Variants in CFAP20 observed in about 807,000 individuals in gnomAD.
The protein encoded by CFAP20 is cilia- and flagella-associated protein 20.
Under a neutral mutation model 25.5 loss-of-function variants are expected in CFAP20, and 14 were observed. That is an observed-to-expected ratio of 0.55 (90% CI 0.36 to 0.86). The LOEUF (loss-of-function observed/expected upper bound fraction) is 0.86. CFAP20 is among the 40% of genes least tolerant of loss of function. CFAP20 has a pLI of 0.01. For synonymous variants in CFAP20, 75 were observed against 91.1 expected, an observed-to-expected ratio of 0.82 and a Z score of 1.01; for missense variants, 181 against 248.0, an observed-to-expected ratio of 0.73 and a Z score of 1.81.
At chr16:58,121,803 G>GA (rs558142525) in intron 1 of CFAP20, among the ~76,000 whole-genome samples, 46 of 149,296 alleles carry the variant, frequency 3.1e-4, no homozygotes, top group South Asian at 1.9e-3. Context: ...CAAGCTGAGG[G>GA]AAAAAAAAAA....
At chr16:58,127,312 C>T (rs563735906) in intron 1 of CFAP20, among the ~76,000 whole-genome samples, 4 of 152,222 alleles carry the variant, frequency 2.6e-5, no homozygotes, top group African/African-American at 9.7e-5. Flanking sequence ...TGAGGCCTCC[C>T]TACTACTGGA....
intron 1 of CFAP20, 111 bp downstream of exon 1, chr16:58,128,919 CCT>C: frequency 8.9e-7 from 1 of 1,124,098 alleles, no homozygotes; most frequent in Non-Finnish European, 1.2e-6. Context: ...ACAGCAGCGT[CCT>C]CTCGGCCTCT....
At chr16:58,115,776 T>G in intron 3 of CFAP20, 1 of 515,496 alleles carries the variant, frequency 1.9e-6, no homozygotes, top group Non-Finnish European at 3.5e-6. Flanking sequence ...CACTATTAAA[T>G]AATCACTCCC....
At chr16:58,120,780 G>C (rs1460993294) in intron 1 of CFAP20, among the ~76,000 whole-genome samples, 2 of 152,138 alleles carry the variant, frequency 1.3e-5, no homozygotes, top group African/African-American at 4.8e-5. Flanking sequence ...GAACTTGGAG[G>C]GGTCAAGGCA....
At position 58,116,156 on chromosome 16, in the gene CFAP20, T is replaced by A; in HGVS notation, c.165-4A>T. ...AGGGCATGTGATATATGTGGTGCTG[T>A]AGAGAGAGGAAATACTAATAAACAC... On this transcript the variant is annotated splice_polypyrimidine_tract_variant and splice_region_variant and intron_variant, in intron 2 of 5. Transcript: ENST00000262498. 1 of 1,592,674 alleles carries A rather than the reference T, an allele frequency of 6.3e-7. No individual in the cohort carries two copies. Among genetic ancestry groups the A allele is most frequent in the African/African-American group, 1.3e-5 (1 of 74,476 alleles).
rs1296562943 is a variant in CFAP20 at position 58,116,950 on chromosome 16, A to G, written c.86T>C (p.Val29Ala). The change falls in exon 2 of 6, where the codon GTA (valine) becomes GCA (alanine). Residue 29 changes from valine (V) to alanine (A), a missense_variant and splice_region_variant. By Grantham distance (64) the Val-to-Ala change is moderately conservative (BLOSUM62 0). Transcript: ENST00000262498. The part of the protein sequence containing the change: ...SKPLQIWDKK[V>A]RNGHIKRITD... The stretch of plus-strand genomic sequence containing the variant: ...GATTCTTTTGATGTGGCCATTCCGT[A>G]CCTACAAGAAAGAAAATTCGATTAG... 1 of 1,613,972 alleles carries G rather than the reference A, an allele frequency of 6.2e-7. No individual in the cohort carries two copies. The highest frequency in any genetic ancestry group is 1.6e-4 in the Middle Eastern group (1 of 6,062).
intron 2 of CFAP20, among the ~76,000 whole-genome samples, chr16:58,116,378 G>A (rs1299923496): frequency 6.6e-6 from 1 of 152,138 alleles, no homozygotes; most frequent in South Asian, 2.1e-4. Context: ...TAAAATATCT[G>A]AAAAACAAAG....
At chr16:58,126,128 C>G (rs2142370535) in intron 1 of CFAP20, among the ~76,000 whole-genome samples, 1 of 152,296 alleles carries the variant, frequency 6.6e-6, no homozygotes, top group Admixed American at 6.5e-5. Flanking sequence ...GGATGCAAAT[C>G]CAAGGTGTCT....
intron 1 of CFAP20, among the ~76,000 whole-genome samples, chr16:58,118,011 A>C (rs1477265562): frequency 6.6e-6 from 1 of 152,168 alleles, no homozygotes; most frequent in African/African-American, 2.4e-5. Flanking sequence ...TTAGCACCTC[A>C]TCCTACATTG....
In CFAP20 at chr16:58,129,015, G is replaced by A. The variant is rs371814796; in HGVS notation, c.84+17C>T. 3 of 1,599,580 alleles carry A rather than the reference G, an allele frequency of 1.9e-6. No homozygotes were observed. Among genetic ancestry groups the A allele is most frequent in the Admixed American group, 1.7e-5 (1 of 59,516 alleles). On this transcript the variant is annotated intron_variant, in intron 1 of 5. Transcript: ENST00000262498. ...TGCAGCCCCTCCACCCCGCCCCGTC[G>A]CCGCCCCTAGCCCGACCTTTTTGTC...
chr16:58,115,438 A>G lies in CFAP20; in HGVS notation c.296T>C (p.Val99Ala). The change falls in exon 4 of 6, where the codon GTG becomes GCG. Residue 99 changes from valine (V) to alanine (A), a missense_variant. Physicochemically the swap from Val to Ala is moderately conservative, Grantham distance 64. Transcript: ENST00000262498. ...GTTACTTGCCCGAAAGCGACGACGC[A>G]CATTCTTGTCATCTAGTACCTGTGA... Reference protein sequence around the residue: ...FEVQVLDDKNVRRRFRASNYQ... With the variant: ...FEVQVLDDKNARRRFRASNYQ... The G allele has an allele frequency of 6.2e-7, 1 of 1,614,222 alleles. No homozygotes were observed. The highest frequency in any genetic ancestry group is 8.5e-7 in the Non-Finnish European group (1 of 1,180,044).
intron 1 of CFAP20, among the ~76,000 whole-genome samples, chr16:58,123,011 T>C (rs1436985237): frequency 1.3e-5 from 2 of 152,070 alleles, no homozygotes; most frequent in East Asian, 3.9e-4. Flanking sequence ...TTGTTTTTTT[T>C]GAGACAAAGT....
At chr16:58,123,231 C>T (rs887117109) in intron 1 of CFAP20, among the ~76,000 whole-genome samples, 7 of 150,216 alleles carry the variant, frequency 4.7e-5, no homozygotes, top group African/African-American at 1.7e-4. Flanking sequence ...CTGACCTCAG[C>T]TCGCCTTGGC....
chr16:58,124,615 C>T (rs1281933205), intron 1 of CFAP20, among the ~76,000 whole-genome samples: 1 of 152,108 alleles, frequency 6.6e-6, no homozygotes, highest in Non-Finnish European at 1.5e-5. Context: ...TGTGTCTAAA[C>T]ATAGAAAAGG....
chr16:58,127,686 GGATA>G lies in CFAP20; in HGVS notation c.84+1342_84+1345del, dbSNP rs554210184. 3.3e-3 allele frequency among the ~76,000 whole-genome samples: 501 copies of G among 152,320 alleles called. 3 individuals carry two copies. The highest frequency in any genetic ancestry group is 0.011 in the African/African-American group (454 of 41,558). On this transcript the variant is annotated intron_variant, in intron 1 of 5. Transcript: ENST00000262498. ...TACTCTGGCACTAGCTCTAGCTTGT[GGATA>G]GAATCATCTGAAAGAGAAGAGATGG...
rs1424697138 is a variant in CFAP20, at chr16:58,113,849, C to T, written c.*176G>A. 2 of 703,836 alleles carry T rather than the reference C, an allele frequency of 2.8e-6. No individual in the cohort carries two copies. Among genetic ancestry groups the T allele is most frequent in the Non-Finnish European group, 4.9e-6 (2 of 412,092 alleles). The allele number at this position is 703,836 out of a possible 1,614,324, so 43.6% of individuals were successfully genotyped here. On this transcript the variant is annotated 3_prime_UTR_variant, in exon 6 of 6. Transcript: ENST00000262498. ...GCTTACCCCCACTGCACTTACAATG[C>T]AGTCACAGAGTTACGGCATGTTCAC...
Position 58,116,876 on chromosome 16 carries a change from C to T in CFAP20, c.160G>A (p.Val54Ile), listed in dbSNP as rs1169693174. 1.9e-6 allele frequency: 3 copies of T among 1,613,964 alleles called. No individual in the cohort carries two copies. In the Admixed American group the frequency reaches 5.0e-5, roughly 27 times the overall value. The change falls in exon 2 of 6, where the codon GTA becomes ATA. Residue 54 changes from valine to isoleucine, a missense_variant. By Grantham distance (29) the Val-to-Ile change is conservative (BLOSUM62 3). Coordinates refer to ENST00000262498, the MANE Select transcript of CFAP20 (RefSeq NM_013242.3). ...SLVLEIEGTN[V>I]STTYITCPAD... is the part of the protein sequence containing the mutation. ...AGAACAGAGGTGGCAACCTACCTTA[C>T]ATTTGTCCCTTCAATCTCTAGCACC...
rs1288322504 is a variant in CFAP20, at chr16:58,129,374, C to T, written c.-259G>A. 1 of 471,170 alleles carries T rather than the reference C, an allele frequency of 2.1e-6. No individual in the cohort carries two copies. The highest frequency in any genetic ancestry group is 3.8e-6 in the Non-Finnish European group (1 of 262,532). 29.2% of individuals were successfully genotyped at this position (471,170 alleles called of 1,614,324 possible). On this transcript the variant is annotated 5_prime_UTR_variant, in exon 1 of 6. Transcript: ENST00000262498. Reference sequence around the variant, plus strand: ...CCGTCCGCGCCGCGGTATTTCCCCGCCTTCAATGGAGGCGGAGGGCCGCCC... The same window carrying T: ...CCGTCCGCGCCGCGGTATTTCCCCGTCTTCAATGGAGGCGGAGGGCCGCCC...
At position 58,116,022 on chromosome 16, in the gene CFAP20, T is replaced by C. The variant is rs374513704; in HGVS notation, c.276+19A>G. Reference sequence around the variant, plus strand: ...TTTGGTATAGCCAAGAGTGGACACATTCATGTACACATACTTACCTGCACT... The same window carrying C: ...TTTGGTATAGCCAAGAGTGGACACACTCATGTACACATACTTACCTGCACT... On this transcript the variant is annotated intron_variant, in intron 3 of 5. Transcript: ENST00000262498. 1.3e-6 allele frequency: 2 copies of C among 1,540,966 alleles called. No individual in the cohort carries two copies. The highest frequency in any genetic ancestry group is 4.5e-5 in the East Asian group (2 of 44,500).
Sources: gnomAD v4.1 joint callset for allele counts (sites outside exome capture counted in the v4.1 genomes callset) on GRCh38, gnomAD v4.1.1 for gene constraint, MANE v1.5 for transcripts, NCBI Gene and HGNC (gene_info 2026-07-23, HGNC 2026-07-21) for gene names.